Variants in TRIM44 observed in about 807,000 individuals in gnomAD.
TRIM44 encodes tripartite motif containing 44.
TRIM44 carries 13 observed loss-of-function variants against 37.4 expected under a neutral mutation model. The observed-to-expected ratio is 0.35, with a 90% CI of 0.23 to 0.55. The LOEUF is 0.55. TRIM44 is among the 20% of genes least tolerant of loss of function. The pLI is 0.89. For missense variants in TRIM44, 426 were observed against 437.2 expected (o/e 0.97, Z 0.23); for synonymous variants, 175 against 157.2 (o/e 1.11, Z -0.85).
At chr11:35,699,071 G>A (rs1342665194) in intron 2 of TRIM44, among the ~76,000 whole-genome samples, 1 of 147,640 alleles carries the variant, frequency 6.8e-6, no homozygotes, top group African/African-American at 2.5e-5. Context: ...TTTTTGTCAG[G>A]TTTGTCAAAG....
chr11:35,697,394 C>T (rs916352590), intron 2 of TRIM44, among the ~76,000 whole-genome samples: 5 of 149,248 alleles, frequency 3.4e-5, no homozygotes, highest in African/African-American at 7.4e-5. Flanking sequence ...GACATAAACT[C>T]ATCCTTTTTT....
At chr11:35,790,984 G>C (rs1853202256) in intron 4 of TRIM44, among the ~76,000 whole-genome samples, 2 of 152,108 alleles carry the variant, frequency 1.3e-5, no homozygotes, top group Admixed American at 6.5e-5. Flanking sequence ...AGACATGCTG[G>C]CAGAGATGCT....
intron 4 of TRIM44, among the ~76,000 whole-genome samples, chr11:35,754,562 A>T (rs922110138): frequency 5.3e-5 from 8 of 152,046 alleles, no homozygotes; most frequent in African/African-American, 1.9e-4. Context: ...CATGCAGATT[A>T]GTTACATGTG....
chr11:35,678,082 G>A (rs1480245921), intron 1 of TRIM44, among the ~76,000 whole-genome samples: 2 of 152,200 alleles, frequency 1.3e-5, no homozygotes, highest in Non-Finnish European at 2.9e-5. Flanking sequence ...ATCAGTAGTG[G>A]TGGGGTAGGG....
chr11:35,703,925 G>C (rs1388965654), intron 2 of TRIM44, among the ~76,000 whole-genome samples: 12 of 152,256 alleles, frequency 7.9e-5, no homozygotes, highest in Admixed American at 7.8e-4. Flanking sequence ...ACTTTGACGA[G>C]TTGAGAGAAG....
intron 4 of TRIM44, among the ~76,000 whole-genome samples, chr11:35,766,108 A>G (rs941168350): frequency 4.6e-5 from 7 of 152,166 alleles, no homozygotes; most frequent in Non-Finnish European, 1.0e-4. Flanking sequence ...TCTACCTTCC[A>G]GAACAGCCTC....
chr11:35,748,253 C>T (rs1852516559), intron 4 of TRIM44, among the ~76,000 whole-genome samples: 1 of 152,144 alleles, frequency 6.6e-6, no homozygotes, highest in African/African-American at 2.4e-5. Context: ...ACCCATAAAG[C>T]ATACTTGTTG....
chr11:35,690,146 CTT>C (rs1290491563), intron 2 of TRIM44, among the ~76,000 whole-genome samples: 2 of 151,946 alleles, frequency 1.3e-5, no homozygotes, highest in Non-Finnish European at 2.9e-5. Flanking sequence ...TTTTTTTTTC[CTT>C]TTGTTTCCTC....
At chr11:35,707,488 T>C (rs565782007) in intron 2 of TRIM44, among the ~76,000 whole-genome samples, 36 of 148,408 alleles carry the variant, frequency 2.4e-4, no homozygotes, top group South Asian at 4.3e-4. Flanking sequence ...AAGCTGGAGG[T>C]GTCATGCTAC....
At chr11:35,757,237 G>C (rs575033639) in intron 4 of TRIM44, among the ~76,000 whole-genome samples, 2 of 152,250 alleles carry the variant, frequency 1.3e-5, no homozygotes, top group Non-Finnish European at 2.9e-5. Context: ...TTGGGAGGGC[G>C]TATGTGTTGA....
At chr11:35,720,538 T>A (rs1852094336) in intron 2 of TRIM44, among the ~76,000 whole-genome samples, 1 of 152,198 alleles carries the variant, frequency 6.6e-6, no homozygotes, top group South Asian at 2.1e-4. Flanking sequence ...TTTCCTTTTC[T>A]TGACTTGCTG....
At chr11:35,695,806 CATATT>C (rs1442495954) in intron 2 of TRIM44, among the ~76,000 whole-genome samples, 9 of 151,732 alleles carry the variant, frequency 5.9e-5, no homozygotes, top group African/African-American at 2.2e-4. Flanking sequence ...TATACTCAGA[CATATT>C]AGAATTATAG....
intron 2 of TRIM44, among the ~76,000 whole-genome samples, chr11:35,699,863 A>G (rs571936894): frequency 6.6e-6 from 1 of 152,106 alleles, no homozygotes; most frequent in Non-Finnish European, 1.5e-5. Context: ...CTTCAAAGAG[A>G]CTAAAATATC....
At chr11:35,747,395 C>T (rs192929209) in intron 4 of TRIM44, among the ~76,000 whole-genome samples, 2 of 152,218 alleles carry the variant, frequency 1.3e-5, no homozygotes, top group Admixed American at 6.5e-5. Context: ...GTGACTAAGC[C>T]GTGATCACAC....
chr11:35,811,765 C>CT lies in TRIM44; in HGVS notation c.*5381dup, dbSNP rs1853529569. On this transcript the variant is annotated 3_prime_UTR_variant, in exon 5 of 5. Coordinates refer to ENST00000299413, the MANE Select transcript of TRIM44 (RefSeq NM_017583.6). Reference sequence around the variant, plus strand: ...TATCTGGAGGGACAGTTTGTGGACTCTCCTCTAAATTTTCTTTTAACACAT... The same window carrying CT: ...TATCTGGAGGGACAGTTTGTGGACTCTTCCTCTAAATTTTCTTTTAACACAT... 1 of 152,210 alleles carries CT rather than the reference C, an allele frequency of 6.6e-6. No homozygotes were observed. The highest frequency in any genetic ancestry group is 2.1e-4 in the South Asian group (1 of 4,824). The allele number at this position is 152,210 out of a possible 1,614,324, so 9.4% of individuals were successfully genotyped here.
intron 2 of TRIM44, among the ~76,000 whole-genome samples, chr11:35,697,561 T>C (rs2135498119): frequency 6.6e-6 from 1 of 151,774 alleles, no homozygotes; most frequent in East Asian, 1.9e-4. Flanking sequence ...CATTAACTGG[T>C]CATTTAGCAT....
intron 1 of TRIM44, among the ~76,000 whole-genome samples, chr11:35,682,036 G>A (rs1230961602): frequency 7.3e-6 from 1 of 137,436 alleles, no homozygotes; most frequent in Non-Finnish European, 1.5e-5. Flanking sequence ...TTGGCTCACT[G>A]TAGCCTCTGC....
chr11:35,802,076 A>G (rs1853378426), intron 4 of TRIM44, among the ~76,000 whole-genome samples: 1 of 152,222 alleles, frequency 6.6e-6, no homozygotes, highest in Non-Finnish European at 1.5e-5. Flanking sequence ...GCAAAGGTGC[A>G]CTATATAATC....
intron 2 of TRIM44, among the ~76,000 whole-genome samples, chr11:35,725,100 A>C (rs1035610272): frequency 7.1e-6 from 1 of 140,400 alleles, no homozygotes; most frequent in African/African-American, 2.6e-5. Context: ...ACACACACAC[A>C]CACACCCTCC....
Sources: allele counts gnomAD v4.1 joint callset (sites outside exome capture counted in the v4.1 genomes callset), GRCh38; gene constraint gnomAD v4.1.1; transcripts MANE v1.5; gene names NCBI Gene and HGNC (gene_info 2026-07-23, HGNC 2026-07-21).